The following PRIM2 variants were observed in gnomAD, a reference collection of about 807,000 sequenced individuals.
The protein encoded by PRIM2 is DNA primase large subunit.
PRIM2 carries 39 observed loss-of-function variants against 67.3 expected under a neutral mutation model. The observed-to-expected ratio is 0.58, with a 90% CI of 0.45 to 0.76. The LOEUF is 0.76. Ranked by LOEUF, PRIM2 falls within the 30% of genes least tolerant of loss-of-function variation. The pLI is 0.00. For synonymous variants in PRIM2, 143 were observed against 198.7 expected, an observed-to-expected ratio of 0.72 and a Z score of 2.36; for missense variants, 398 against 598.7, an observed-to-expected ratio of 0.66 and a Z score of 3.50.
At chr6:57,274,799 CAG>C in the PRIM2 span, among the ~76,000 whole-genome samples, 1 of 152,288 alleles carries the variant, frequency 6.6e-6, no homozygotes, top group East Asian at 1.9e-4. Flanking sequence ...TATTTTGAGA[CAG>C]AGTCTTCCTC....
At chr6:57,643,718 T>C (rs1582034850) in intron 13 of PRIM2, among the ~76,000 whole-genome samples, 2 of 152,306 alleles carry the variant, frequency 1.3e-5, no homozygotes, top group Non-Finnish European at 1.5e-5. Context: ...TTAATAAAAA[T>C]TATAAAACAT....
chr6:57,266,379 AAGAATT>A, the PRIM2 span, among the ~76,000 whole-genome samples: 1 of 152,290 alleles, frequency 6.6e-6, no homozygotes, highest in South Asian at 2.1e-4. Flanking sequence ...GTCAAGAATG[AAGAATT>A]CATTTTACTG....
At chr6:57,308,548 T>C in the PRIM2 span, among the ~76,000 whole-genome samples, 5 of 152,214 alleles carry the variant, frequency 3.3e-5, no homozygotes, top group East Asian at 5.8e-4. Flanking sequence ...ATACCTAGAC[T>C]AGAATCACAT....
chr6:57,636,596 C>A (rs1435671809), intron 13 of PRIM2, among the ~76,000 whole-genome samples: 3 of 152,064 alleles, frequency 2.0e-5, no homozygotes, highest in Non-Finnish European at 2.9e-5. Context: ...TAGTAGATCA[C>A]AAAGAGCATC....
chr6:57,376,922 G>C (rs1769784256), intron 5 of PRIM2, among the ~76,000 whole-genome samples: 3 of 152,120 alleles, frequency 2.0e-5, no homozygotes, highest in Non-Finnish European at 4.4e-5. Flanking sequence ...TTGTCGCCCA[G>C]GCTGGAGTGC....
At chr6:57,589,910 A>T (rs1345749922) in intron 10 of PRIM2, among the ~76,000 whole-genome samples, 3 of 152,130 alleles carry the variant, frequency 2.0e-5, no homozygotes, top group Non-Finnish European at 4.4e-5. Context: ...TGGGGAGTGG[A>T]TCCCCACTGG....
chr6:57,299,422 C>T, the PRIM2 span, among the ~76,000 whole-genome samples: 1 of 152,110 alleles, frequency 6.6e-6, no homozygotes, highest in Admixed American at 6.6e-5. Flanking sequence ...ACCCATGGTT[C>T]TTTCTTTTTC....
chr6:57,274,721 A>C, the PRIM2 span, among the ~76,000 whole-genome samples: 1 of 152,084 alleles, frequency 6.6e-6, no homozygotes, highest in African/African-American at 2.4e-5. Flanking sequence ...CTTCTGCATC[A>C]CTCACGCTGG....
chr6:57,487,341 T>C (rs1773778071), intron 7 of PRIM2, among the ~76,000 whole-genome samples: 1 of 152,192 alleles, frequency 6.6e-6, no homozygotes, highest in Admixed American at 6.5e-5. Context: ...GCTATTCTCC[T>C]GCTCAGGCTC....
intron 7 of PRIM2, chr6:57,435,237 C>T (rs574388015): frequency 6.6e-6 from 1 of 152,230 alleles, no homozygotes; most frequent in South Asian, 2.1e-4. Flanking sequence ...TGGTAAGAGG[C>T]TGGACTGTGG....
chr6:57,258,869 T>C, the PRIM2 span, among the ~76,000 whole-genome samples: 1 of 152,132 alleles, frequency 6.6e-6, no homozygotes, highest in Non-Finnish European at 1.5e-5. Flanking sequence ...GACAGCAGGA[T>C]AGGAGCAGCC....
At chr6:57,472,249 G>T (rs1300129949) in intron 7 of PRIM2, among the ~76,000 whole-genome samples, 22 of 152,226 alleles carry the variant, frequency 1.4e-4, no homozygotes, top group African/African-American at 5.3e-4. Flanking sequence ...GGCCAACACA[G>T]TGAAACCCCG....
At chr6:57,520,856 A>C (rs1357773434) in intron 8 of PRIM2, among the ~76,000 whole-genome samples, 2 of 152,158 alleles carry the variant, frequency 1.3e-5, no homozygotes, top group Non-Finnish European at 2.9e-5. Context: ...ATAAAGTAGC[A>C]GTTGTACCAT....
intron 12 of PRIM2, among the ~76,000 whole-genome samples, chr6:57,627,279 C>CGAAAAAAAA (rs1776965043): frequency 4.1e-5 from 1 of 24,538 alleles, no homozygotes; most frequent in African/African-American, 1.2e-4. Context: ...GACTCTGTCT[C>CGAAAAAAAA]AAAAAAAAAA....
At chr6:57,527,953 T>C (rs1458572008) in intron 8 of PRIM2, among the ~76,000 whole-genome samples, 1 of 152,190 alleles carries the variant, frequency 6.6e-6, no homozygotes, top group African/African-American at 2.4e-5. Context: ...GTGTATGTCT[T>C]TTTTATAGAG....
chr6:57,611,569 G>T (rs1292140109), intron 12 of PRIM2, among the ~76,000 whole-genome samples: 2 of 152,056 alleles, frequency 1.3e-5, no homozygotes, highest in Non-Finnish European at 2.9e-5. Context: ...AGAACAAGTA[G>T]ATCTAGAACA....
chr6:57,238,690 A>C, the PRIM2 span, among the ~76,000 whole-genome samples: 1 of 152,226 alleles, frequency 6.6e-6, no homozygotes, highest in Non-Finnish European at 1.5e-5. Context: ...AAAAGCTAGC[A>C]GAAGGCAAGA....
intron 10 of PRIM2, among the ~76,000 whole-genome samples, chr6:57,555,180 A>G (rs1159113182): frequency 3.3e-5 from 5 of 152,228 alleles, no homozygotes; most frequent in Admixed American, 2.0e-4. Context: ...TAAACTTGCT[A>G]TCCTTTGGCA....
At chr6:57,276,674 G>T in the PRIM2 span, among the ~76,000 whole-genome samples, 3,735 of 151,944 alleles carry the variant, frequency 0.025, 140 homozygotes, top group African/African-American at 0.085. Flanking sequence ...CAGGCAGATT[G>T]CTTGTGCTCA....
Sources: allele counts gnomAD v4.1 joint callset (sites outside exome capture counted in the v4.1 genomes callset), GRCh38; gene constraint gnomAD v4.1.1; transcripts MANE v1.5; gene names NCBI Gene and HGNC (gene_info 2026-07-23, HGNC 2026-07-21).